Variants in SOX6 observed in about 807,000 individuals in gnomAD.
SOX6 encodes transcription factor SOX-6.
A neutral mutation model predicts 97.8 loss-of-function variants in SOX6; 11 were observed. The observed-to-expected ratio is 0.11, with a 90% CI of 0.07 to 0.19. The LOEUF is 0.19. Ranked by LOEUF, SOX6 falls within the 10% of genes least tolerant of loss-of-function variation. The probability of loss-of-function intolerance (pLI) is 1.00; values close to 1 mark genes in which losing one functional copy is unlikely to be tolerated. For synonymous variants in SOX6, 360 were observed against 371.4 expected (o/e 0.97, Z 0.35); for missense variants, 810 against 1,039.5 (o/e 0.78, Z 3.04).
chr11:16,466,632 A>T (rs1010290141), intron 1 of SOX6, among the ~76,000 whole-genome samples: 22 of 151,684 alleles, frequency 1.5e-4, no homozygotes, highest in African/African-American at 5.1e-4. Flanking sequence ...ACAAGAAAAA[A>T]AAAAACAAAC....
At chr11:15,984,675 C>A (rs1226060889) in intron 15 of SOX6, among the ~76,000 whole-genome samples, 2 of 152,106 alleles carry the variant, frequency 1.3e-5, no homozygotes, top group Non-Finnish European at 2.9e-5. Flanking sequence ...ATTTGATAAT[C>A]CTATTTTGTC....
intron 3 of SOX6, among the ~76,000 whole-genome samples, chr11:16,714,251 G>GA (rs148136267): frequency 0.019 from 2,852 of 148,140 alleles, 43 homozygotes; most frequent in Middle Eastern, 0.038. Context: ...TTGTTGTATG[G>GA]AAAAAAAAAA....
chr11:16,616,134 G>A (rs1848468451), intron 3 of SOX6, among the ~76,000 whole-genome samples: 1 of 152,058 alleles, frequency 6.6e-6, no homozygotes, highest in Non-Finnish European at 1.5e-5. Flanking sequence ...TCCCAAATCT[G>A]AGGTTGGCCA....
At chr11:16,171,139 ACTGGGAGTTCCAGG>A (rs1178439956) in intron 6 of SOX6, among the ~76,000 whole-genome samples, 2 of 152,104 alleles carry the variant, frequency 1.3e-5, no homozygotes, top group African/African-American at 4.8e-5. Flanking sequence ...CCACAGAAAC[ACTGGGAGTTCCAGG>A]GCTAACAGCT....
intron 1 of SOX6, among the ~76,000 whole-genome samples, chr11:16,354,765 ATTAAC>A (rs1262730471): frequency 6.6e-6 from 1 of 152,088 alleles, no homozygotes; most frequent in Non-Finnish European, 1.5e-5. Flanking sequence ...CAGAGCTTAA[ATTAAC>A]TTGACAATAA....
intron 6 of SOX6, among the ~76,000 whole-genome samples, chr11:16,178,596 C>A (rs1414991756): frequency 6.6e-6 from 1 of 151,862 alleles, no homozygotes; most frequent in Non-Finnish European, 1.5e-5. Context: ...GACTTCTAAG[C>A]TTTGTTTATA....
intron 3 of SOX6, among the ~76,000 whole-genome samples, chr11:16,666,846 G>A (rs1847810723): frequency 6.6e-6 from 1 of 151,748 alleles, no homozygotes; most frequent in Non-Finnish European, 1.5e-5. Flanking sequence ...TAAAAAATAA[G>A]CATGCCTATG....
At chr11:16,481,462 G>C (rs1004707303) in intron 4 of SOX6, among the ~76,000 whole-genome samples, 3 of 152,126 alleles carry the variant, frequency 2.0e-5, no homozygotes, top group Non-Finnish European at 4.4e-5. Context: ...TGCTGTTCTG[G>C]AAGAACTTCC....
chr11:16,478,804 A>T (rs1860295945), upstream of SOX6, among the ~76,000 whole-genome samples: 2 of 152,240 alleles, frequency 1.3e-5, no homozygotes, highest in Admixed American at 1.3e-4. Context: ...AGTCTTAAAA[A>T]GACATTTCCA....
chr11:16,465,449 T>TA (rs1472413675), intron 1 of SOX6, among the ~76,000 whole-genome samples: 1 of 152,160 alleles, frequency 6.6e-6, no homozygotes, highest in Non-Finnish European at 1.5e-5. Flanking sequence ...ACTATATATA[T>TA]ATAATAATGG....
intron 2 of SOX6, among the ~76,000 whole-genome samples, chr11:16,721,496 TTCTG>T (rs1564877203): frequency 8.7e-6 from 1 of 115,166 alleles, no homozygotes; most frequent in Non-Finnish European, 1.8e-5. Context: ...GGTGGGTCTT[TTCTG>T]TCTCTCTCTC....
At chr11:16,413,538 T>TTAA (rs1858865020) in intron 1 of SOX6, among the ~76,000 whole-genome samples, 1 of 144,718 alleles carries the variant, frequency 6.9e-6, no homozygotes, top group African/African-American at 2.7e-5. Flanking sequence ...TTTTTTTTTT[T>TTAA]AGATGGAGTT....
intron 6 of SOX6, among the ~76,000 whole-genome samples, chr11:16,172,704 C>T (rs1315462230): frequency 1.3e-5 from 2 of 151,934 alleles, no homozygotes; most frequent in Non-Finnish European, 1.5e-5. Flanking sequence ...GCCAGAGTTG[C>T]AAGGAACTTC....
At chr11:16,575,723 A>C (rs1324320820) in intron 4 of SOX6, among the ~76,000 whole-genome samples, 1 of 152,206 alleles carries the variant, frequency 6.6e-6, no homozygotes, top group African/African-American at 2.4e-5. Flanking sequence ...AAGTAAAGAA[A>C]GTGACTAACA....
At chr11:16,318,342 T>C in intron 3 of SOX6, 104 bp downstream of exon 3, 1 of 1,239,302 alleles carries the variant, frequency 8.1e-7, no homozygotes, top group Non-Finnish European at 1.2e-6. Context: ...CTAGTGACAA[T>C]TATGCACTTC....
chr11:16,557,911 C>T (rs1847766655), intron 4 of SOX6, among the ~76,000 whole-genome samples: 1 of 151,738 alleles, frequency 6.6e-6, no homozygotes, highest in Admixed American at 6.6e-5. Context: ...CTTATAAAGG[C>T]CAACTTAATC....
At chr11:16,522,002 G>T (rs1306265509) in intron 4 of SOX6, among the ~76,000 whole-genome samples, 1 of 152,210 alleles carries the variant, frequency 6.6e-6, no homozygotes, top group Non-Finnish European at 1.5e-5. Flanking sequence ...ATCTACGTCT[G>T]ATTCGTGTAC....
chr11:16,248,364 G>T (rs1277236700), intron 3 of SOX6, among the ~76,000 whole-genome samples: 3 of 152,158 alleles, frequency 2.0e-5, no homozygotes, highest in Non-Finnish European at 2.9e-5. Context: ...ACTCTGTGTA[G>T]GGGTTCCAAT....
At chr11:16,403,027 C>A (rs1858601738) in intron 1 of SOX6, among the ~76,000 whole-genome samples, 1 of 151,552 alleles carries the variant, frequency 6.6e-6, no homozygotes, top group Admixed American at 6.6e-5. Context: ...TCTAATCCTC[C>A]TTTTTACCAC....
Sources: gnomAD v4.1 joint callset for allele counts (sites outside exome capture counted in the v4.1 genomes callset) on GRCh38, gnomAD v4.1.1 for gene constraint, MANE v1.5 for transcripts, NCBI Gene and HGNC (gene_info 2026-07-23, HGNC 2026-07-21) for gene names.